FASTKD1: variants seen among roughly 807,000 people sequenced by gnomAD.
FASTKD1 encodes the protein FAST kinase domains 1.
FASTKD1 carries 94 observed loss-of-function variants against 90.9 expected under a neutral mutation model. That is an observed-to-expected ratio of 1.03 (90% CI 0.88 to 1.23). FASTKD1 has a LOEUF of 1.23. Among genes scored for constraint, FASTKD1 ranks in the 50% most tolerant of loss-of-function variants. The pLI is 0.00. For synonymous variants in FASTKD1, 319 were observed against 345.8 expected (o/e 0.92, Z 0.86); for missense variants, 945 against 993.5 (o/e 0.95, Z 0.66).
chr2:169,531,210 A>C (rs1274325397), intron 13 of FASTKD1, 142 bp downstream of exon 13: 1 of 906,290 alleles, frequency 1.1e-6, no homozygotes, highest in Non-Finnish European at 1.8e-6. Flanking sequence ...AAAGGAGAGG[A>C]AAAGCAAAGT....
Position 169,557,859 on chromosome 2 carries a change from G to A in FASTKD1, c.972-562C>T, listed in dbSNP as rs77770208. Among the ~76,000 whole-genome samples the A allele has an allele frequency of 6.1e-3, 922 of 152,298 alleles. 6 individuals carry two copies. Among genetic ancestry groups the A allele is most frequent in the African/African-American group, 0.021 (867 of 41,562 alleles). On this transcript the variant is annotated intron_variant, in intron 5 of 14. Transcript: ENST00000453153. The stretch of plus-strand genomic sequence containing the variant: ...GCAGTAATGTTAAGTACCATGATAC[G>A]TGTATTTTTTAGAATCATTTAGAAA...
Position 169,538,160 on chromosome 2 carries a change from T to C in FASTKD1, c.1946-19A>G. 8 of 1,580,550 alleles carry C rather than the reference T, an allele frequency of 5.1e-6. No individual in the cohort carries two copies. The highest frequency in any genetic ancestry group is 6.8e-6 in the Non-Finnish European group (8 of 1,168,728). On this transcript the variant is annotated intron_variant, in intron 10 of 14. Coordinates refer to ENST00000453153, the MANE Select transcript of FASTKD1 (RefSeq NM_024622.6). Reference sequence around the variant, plus strand: ...GATAAAACTGAAATTAATAAAATACTAATGAATTTTGATAGCTGAGACCTA... The same window carrying C: ...GATAAAACTGAAATTAATAAAATACCAATGAATTTTGATAGCTGAGACCTA...
At chr2:169,561,901 A>C (rs1206185973) in intron 4 of FASTKD1, among the ~76,000 whole-genome samples, 1 of 128,620 alleles carries the variant, frequency 7.8e-6, no homozygotes, top group Non-Finnish European at 1.6e-5. Flanking sequence ...ATTTATTATA[A>C]ATTATTTATT....
chr2:169,558,361 G>A (rs1310952527), intron 5 of FASTKD1, among the ~76,000 whole-genome samples: 4 of 152,078 alleles, frequency 2.6e-5, no homozygotes, highest in East Asian at 3.9e-4. Context: ...AGGTTCAAGC[G>A]ATTCTCCTGC....
At chr2:169,542,250 C>T (rs989904256) in intron 9 of FASTKD1, among the ~76,000 whole-genome samples, 7 of 152,238 alleles carry the variant, frequency 4.6e-5, no homozygotes, top group East Asian at 1.9e-4. Context: ...GTATCTCCAG[C>T]GCCTAGAAGA....
intron 1 of FASTKD1, 30 bp from the exon 2 acceptor site, chr2:169,572,201 G>GCTTA: frequency 1.7e-6 from 1 of 586,500 alleles, no homozygotes; most frequent in Non-Finnish European, 2.6e-6. Flanking sequence ...ACATGGTTAT[G>GCTTA]CTTACATCAT....
At chr2:169,542,412 G>A (rs780809707) in intron 9 of FASTKD1, among the ~76,000 whole-genome samples, 5 of 152,158 alleles carry the variant, frequency 3.3e-5, no homozygotes, top group Non-Finnish European at 5.9e-5. Context: ...AGGTCAAACT[G>A]TTCCAAACAC....
At chr2:169,533,604 T>C (rs1238227595) in intron 12 of FASTKD1, among the ~76,000 whole-genome samples, 1 of 152,190 alleles carries the variant, frequency 6.6e-6, no homozygotes, top group Non-Finnish European at 1.5e-5. Context: ...GTCTAACACA[T>C]AATAAGCAAT....
rs1684761484 is a variant in FASTKD1 at position 169,537,266 on chromosome 2, C to T, written c.2149G>A (p.Val717Ile). 6.2e-7 allele frequency: 1 copy of T among 1,613,204 alleles called. No individual in the cohort carries two copies. The highest frequency in any genetic ancestry group is 1.7e-5 in the Admixed American group (1 of 59,996). Residue 717 changes from valine to isoleucine, a missense_variant, in exon 12 of 15, where the codon GTA (valine) becomes ATA (isoleucine). Transcript: ENST00000453153. Reference protein sequence around the residue: ...LAEVLGGINCVKASVLTPYYH... With the variant: ...LAEVLGGINCIKASVLTPYYH... Reference sequence around the variant, plus strand: ...TAAGGCGTAAGAACCGAGGCTTTTACACAATTGATTCCTCCTAGTACCTCT... The same window carrying T: ...TAAGGCGTAAGAACCGAGGCTTTTATACAATTGATTCCTCCTAGTACCTCT...
At chr2:169,561,702 T>C (rs1186110739) in intron 4 of FASTKD1, among the ~76,000 whole-genome samples, 4 of 147,514 alleles carry the variant, frequency 2.7e-5, no homozygotes, top group Non-Finnish European at 6.0e-5. Flanking sequence ...AAATTATTAA[T>C]CTATTATAAA....
rs567938545 is a variant in FASTKD1 at position 169,558,155 on chromosome 2, C to T, written c.972-858G>A. Among the ~76,000 whole-genome samples the T allele has an allele frequency of 5.7e-4, 87 of 152,300 alleles. No homozygotes were observed. In the Middle Eastern group the frequency reaches 0.017, roughly 30 times the overall value. ...ATCCTCTCAATTGCAATATAAATTC[C>T]TTGAAGACAGACTCAGTTAAACCCA... On this transcript the variant is annotated intron_variant, in intron 5 of 14. Coordinates refer to ENST00000453153, the MANE Select transcript of FASTKD1 (RefSeq NM_024622.6).
At chr2:169,554,405 T>C (rs1210769090) in intron 7 of FASTKD1, among the ~76,000 whole-genome samples, 1 of 149,904 alleles carries the variant, frequency 6.7e-6, no homozygotes, top group Non-Finnish European at 1.5e-5. Context: ...GGCTCACATC[T>C]GTAATCCCAA....
intron 4 of FASTKD1, among the ~76,000 whole-genome samples, chr2:169,561,976 T>C (rs1225708074): frequency 8.1e-6 from 1 of 123,210 alleles, no homozygotes; most frequent in Non-Finnish European, 1.6e-5. Flanking sequence ...AAATTAATTA[T>C]TCATTAATTT....
intron 7 of FASTKD1, among the ~76,000 whole-genome samples, chr2:169,553,249 T>A: frequency 1.9e-5 from 1 of 51,532 alleles, no homozygotes; most frequent in African/African-American, 7.3e-5. Flanking sequence ...CATAAAAATA[T>A]AGAAAATTTT....
At chr2:169,565,491 T>G (rs1238112542) in intron 3 of FASTKD1, among the ~76,000 whole-genome samples, 1 of 151,568 alleles carries the variant, frequency 6.6e-6, no homozygotes, top group Non-Finnish European at 1.5e-5. Flanking sequence ...CTCGATCTCC[T>G]GACCTCATGA....
chr2:169,546,061 G>A (rs1271885547), intron 8 of FASTKD1, among the ~76,000 whole-genome samples, 157 bp downstream of exon 8: 1 of 152,052 alleles, frequency 6.6e-6, no homozygotes, highest in Non-Finnish European at 1.5e-5. Flanking sequence ...CCTCCCAACC[G>A]CTGGAATTAC....
chr2:169,532,401 A>AC (rs1329652020), intron 12 of FASTKD1, among the ~76,000 whole-genome samples: 60 of 141,152 alleles, frequency 4.3e-4, no homozygotes, highest in Non-Finnish European at 4.0e-4. Context: ...GCAGAGCCAG[A>AC]CAAAAAAAAA....
chr2:169,562,025 T>G (rs533667156), intron 4 of FASTKD1, among the ~76,000 whole-genome samples: 3 of 118,412 alleles, frequency 2.5e-5, no homozygotes, highest in African/African-American at 9.7e-5. Context: ...TGTAAATTAA[T>G]TATTTATTAA....
At chr2:169,562,720 G>A (rs576246824) in intron 4 of FASTKD1, among the ~76,000 whole-genome samples, 2 of 152,148 alleles carry the variant, frequency 1.3e-5, no homozygotes, top group African/African-American at 4.8e-5. Flanking sequence ...CAGCCTAGGA[G>A]AATAGAGATA....
Sources: allele counts gnomAD v4.1 joint callset (sites outside exome capture counted in the v4.1 genomes callset), GRCh38; gene constraint gnomAD v4.1.1; transcripts MANE v1.5; gene names NCBI Gene and HGNC (gene_info 2026-07-23, HGNC 2026-07-21).